The following TIAM2 variants were observed in gnomAD, a reference collection of about 807,000 sequenced individuals.
The protein encoded by TIAM2 is rho guanine nucleotide exchange factor TIAM2.
Under a neutral mutation model 152.9 loss-of-function variants are expected in TIAM2, and 80 were observed. The observed-to-expected ratio is 0.52, with a 90% CI of 0.44 to 0.63. TIAM2 has a LOEUF of 0.63. TIAM2 is among the 30% of genes least tolerant of loss of function. TIAM2 has a pLI of 0.00. For missense variants in TIAM2, 1,965 were observed against 2,120.1 expected (o/e 0.93, Z 1.44); for synonymous variants, 804 against 838.0 (o/e 0.96, Z 0.70).
chr6:155,058,912 A>G (rs938157909), intron 1 of TIAM2, among the ~76,000 whole-genome samples: 2 of 152,236 alleles, frequency 1.3e-5, no homozygotes, highest in African/African-American at 4.8e-5. Context: ...GAGGAATGGT[A>G]TCTAACGTAA....
At chr6:155,014,186 C>A (rs1415131796) in intron 1 of TIAM2, among the ~76,000 whole-genome samples, 1 of 152,050 alleles carries the variant, frequency 6.6e-6, no homozygotes, top group African/African-American at 2.4e-5. Context: ...AACTGTTTGT[C>A]CTTGAAAATA....
rs147486814 is a variant in TIAM2 at position 155,041,824 on chromosome 6, A to G, written c.-209+46332A>G. Among the ~76,000 whole-genome samples, 715 of 152,252 alleles carry G rather than the reference A, an allele frequency of 4.7e-3. 6 individuals carry two copies. Among genetic ancestry groups the G allele is most frequent in the African/African-American group, 0.015 (630 of 41,554 alleles). On this transcript the variant is annotated intron_variant, in intron 1 of 26. Transcript: ENST00000682666. ...CGCGTTGCCAGTGCGATGTAGACCC[A>G]ATTAGGTCAGTTTGGAAATTTTTAT...
chr6:155,059,092 C>T (rs1235304773), intron 1 of TIAM2, among the ~76,000 whole-genome samples: 1 of 152,170 alleles, frequency 6.6e-6, no homozygotes, highest in Non-Finnish European at 1.5e-5. Context: ...AAGCCCCATA[C>T]TATTTGGACT....
chr6:155,104,977 G>A (rs117751625), intron 2 of TIAM2, among the ~76,000 whole-genome samples: 4,188 of 152,146 alleles, frequency 0.028, 64 homozygotes, highest in Non-Finnish European at 0.04. Flanking sequence ...TTTCTTTTGA[G>A]ATAGGGTCTC....
At chr6:155,095,440 G>A (rs1778398430) in intron 2 of TIAM2, among the ~76,000 whole-genome samples, 1 of 152,154 alleles carries the variant, frequency 6.6e-6, no homozygotes, top group Admixed American at 6.5e-5. Flanking sequence ...GTGGAAGAGA[G>A]GAGTAGGATG....
intron 7 of TIAM2, among the ~76,000 whole-genome samples, chr6:155,161,583 T>TTTTC (rs777125234): frequency 6.6e-6 from 1 of 150,888 alleles, no homozygotes. Context: ...TTTTTTTTTT[T>TTTTC]CTGAGATGGA....
At position 155,156,526 on chromosome 6, in the gene TIAM2, C is replaced by T. The variant is rs774992783; in HGVS notation, c.2029-7889C>T. Among the ~76,000 whole-genome samples the T allele has an allele frequency of 2.6e-5, 4 of 151,984 alleles. No homozygotes were observed. The highest frequency in any genetic ancestry group is 6.5e-5 in the Admixed American group (1 of 15,268). ...AAAAATAATTAGCCAGGTGTCGTGG[C>T]GCATACCTGTAATCCCAGCTACTCG... On this transcript the variant is annotated intron_variant, in intron 7 of 26. Transcript: ENST00000682666. The surrounding 1 kb of genome is among the most constrained non-coding windows in gnomAD (Gnocchi z 4.4).
intron 5 of TIAM2, among the ~76,000 whole-genome samples, chr6:155,138,846 G>A (rs1388233589): frequency 1.3e-5 from 2 of 151,944 alleles, no homozygotes; most frequent in Non-Finnish European, 2.9e-5. Flanking sequence ...TGATGGACCA[G>A]CTGTCTTTTT....
chr6:155,105,402 T>C (rs1778659626), intron 2 of TIAM2, among the ~76,000 whole-genome samples: 1 of 152,174 alleles, frequency 6.6e-6, no homozygotes, highest in Non-Finnish European at 1.5e-5. Flanking sequence ...CTGCCCGCAT[T>C]GGCCTCCCAG....
chr6:155,031,902 A>G (rs1472108906), intron 1 of TIAM2, among the ~76,000 whole-genome samples: 1 of 152,192 alleles, frequency 6.6e-6, no homozygotes, highest in East Asian at 1.9e-4. Context: ...GGGAACAAAA[A>G]GCACATTGTC....
chr6:155,015,813 T>C (rs928113799), intron 1 of TIAM2, among the ~76,000 whole-genome samples: 2 of 151,912 alleles, frequency 1.3e-5, no homozygotes, highest in African/African-American at 2.4e-5. Flanking sequence ...GGTGGGCACC[T>C]GTAGTTGCAG....
Position 155,161,825 on chromosome 6 carries a change from G to A in TIAM2, c.2029-2590G>A, listed in dbSNP as rs111556374. ...ACTCCTGACCTCCAATGATCTGCCC[G>A]CATCGGCCTCCCGAAGTGCTGGGAT... On this transcript the variant is annotated intron_variant, in intron 7 of 26. Coordinates refer to ENST00000682666, the MANE Select transcript of TIAM2 (RefSeq NM_012454.4). 6.3e-3 allele frequency among the ~76,000 whole-genome samples: 958 copies of A among 151,882 alleles called. 12 individuals are homozygous for A. The highest frequency in any genetic ancestry group is 0.022 in the African/African-American group (907 of 41,370).
chr6:155,256,037 T>G (rs1784000044), intron 26 of TIAM2: 2 of 195,944 alleles, frequency 1.0e-5, no homozygotes, highest in South Asian at 8.2e-5. Flanking sequence ...GGAGGGGCAT[T>G]TTCTACTTTT....
chr6:155,117,052 TA>T (rs936262991), intron 2 of TIAM2, among the ~76,000 whole-genome samples: 44 of 146,764 alleles, frequency 3.0e-4, no homozygotes, highest in South Asian at 4.3e-4. Flanking sequence ...TTGATATATT[TA>T]AAAAAAAAAA....
chr6:155,232,135 C>A (rs1017471408), intron 15 of TIAM2, among the ~76,000 whole-genome samples: 1 of 152,086 alleles, frequency 6.6e-6, no homozygotes, highest in African/African-American at 2.4e-5. Flanking sequence ...GTCATTCAGC[C>A]CTCTGTGGTC....
At chr6:155,184,119 G>C (rs1183643911) in intron 14 of TIAM2, among the ~76,000 whole-genome samples, 1 of 152,080 alleles carries the variant, frequency 6.6e-6, no homozygotes, top group African/African-American at 2.4e-5. Context: ...CTCCTGAGTA[G>C]CTGAGACTAC....
At chr6:155,256,325 A>T in intron 26 of TIAM2, 159 bp from the exon 27 acceptor site, 1 of 1,039,344 alleles carries the variant, frequency 9.6e-7, no homozygotes, top group Non-Finnish European at 1.4e-6. Flanking sequence ...CCATGTTTTC[A>T]GTAGCTACAT....
chr6:155,093,413 A>G lies in TIAM2; in HGVS notation c.-118+3034A>G, dbSNP rs12201144. On this transcript the variant is annotated intron_variant, in intron 2 of 26. Coordinates refer to ENST00000682666, the MANE Select transcript of TIAM2 (RefSeq NM_012454.4). ...AAGGTGTGGAAAGGGCGTCCTGTAC[A>G]TGATGATGAAGGGAGTGGGCTTAGC... 5.3e-3 allele frequency among the ~76,000 whole-genome samples: 807 copies of G among 152,294 alleles called. 2 individuals are homozygous for G. Among genetic ancestry groups the G allele is most frequent in the Admixed American group, 6.5e-3 (100 of 15,298 alleles).
intron 1 of TIAM2, among the ~76,000 whole-genome samples, chr6:155,000,299 C>T (rs1362273688): frequency 2.6e-5 from 4 of 151,976 alleles, no homozygotes; most frequent in Non-Finnish European, 4.4e-5. Context: ...CTTTGGGAGG[C>T]CAAGGGGCGG....
Sources: gnomAD v4.1 joint callset for allele counts (sites outside exome capture counted in the v4.1 genomes callset) on GRCh38, gnomAD v4.1.1 for gene constraint, Gnocchi (gnomAD v3.1) non-coding constraint, MANE v1.5 for transcripts, NCBI Gene and HGNC (gene_info 2026-07-23, HGNC 2026-07-21) for gene names.